Variants in HPS4 observed in about 807,000 individuals in gnomAD.
HPS4 encodes the protein HPS4 biogenesis of lysosomal organelles complex 3 subunit 2, also known as BLOC-3 complex member HPS4.
A neutral mutation model predicts 70.3 loss-of-function variants in HPS4; 44 were observed. That is an observed-to-expected ratio of 0.63 (90% CI 0.49 to 0.80). HPS4 has a LOEUF of 0.80. HPS4 is among the 30% of genes least tolerant of loss of function. HPS4 has a pLI of 0.00. For missense variants in HPS4, 873 were observed against 884.4 expected (o/e 0.99, Z 0.16); for synonymous variants, 377 against 355.9 (o/e 1.06, Z -0.67).
At chr22:26,457,248 A>G (rs1425058836) in intron 13 of HPS4, among the ~76,000 whole-genome samples, 1 of 119,546 alleles carries the variant, frequency 8.4e-6, no homozygotes, top group Non-Finnish European at 1.6e-5. Context: ...ACGCAGTCTC[A>G]CTCTGTTGCC....
Position 26,464,746 on chromosome 22 carries a change from T to A in HPS4, c.884A>T (p.Glu295Val), listed in dbSNP as rs2088140488. The change falls in exon 11 of 14, where the codon GAA (glutamate) becomes GTA (valine). Residue 295 changes from glutamate to valine, a missense_variant. Glu to Val is a moderately radical substitution (Grantham distance 121, BLOSUM62 -2). Transcript: ENST00000398145. ...GGATTCCACATGGCCAGTGGCGTTT[T>A]CTTTCAGGGCAGATGTGCTCCCACC... is the stretch of plus-strand genomic sequence containing the variant. ...PKGGSTSALK[E>V]NATGHVESMA... 6.3e-7 allele frequency: 1 copy of A among 1,590,336 alleles called. No homozygotes were observed. The highest frequency in any genetic ancestry group is 1.7e-5 in the Admixed American group (1 of 57,828).
downstream of HPS4, among the ~76,000 whole-genome samples, chr22:26,447,581 C>T (rs556987352): frequency 2.0e-4 from 30 of 152,200 alleles, no homozygotes; most frequent in Non-Finnish European, 3.4e-4. Flanking sequence ...GTAGCAGAGG[C>T]TAAGCACAGA....
At chr22:26,446,542 CTT>C (rs952494188), downstream of HPS4, among the ~76,000 whole-genome samples, 5 of 152,104 alleles carry the variant, frequency 3.3e-5, no homozygotes, top group Non-Finnish European at 4.4e-5. Context: ...AGGCACGGGT[CTT>C]TGTTTTAAAC....
chr22:26,459,491 T>A (rs1359790580), intron 11 of HPS4, among the ~76,000 whole-genome samples: 1 of 152,200 alleles, frequency 6.6e-6, no homozygotes, highest in African/African-American at 2.4e-5. Context: ...TATCATATAA[T>A]TCTTTAATGG....
At chr22:26,461,160 C>G (rs536145932) in intron 11 of HPS4, among the ~76,000 whole-genome samples, 1 of 152,212 alleles carries the variant, frequency 6.6e-6, no homozygotes, top group Non-Finnish European at 1.5e-5. Context: ...CAGCGTGCAG[C>G]AGGAGCAATG....
intron 13 of HPS4, among the ~76,000 whole-genome samples, chr22:26,454,566 A>C (rs1484688080): frequency 6.6e-6 from 1 of 152,228 alleles, no homozygotes; most frequent in Non-Finnish European, 1.5e-5. Flanking sequence ...CTTACACCTT[A>C]CACAAAAATT....
Position 26,465,426 on chromosome 22 carries a change from C to A in HPS4, c.803+29G>T, listed in dbSNP as rs150556488. On this transcript the variant is annotated intron_variant, in intron 10 of 13. Transcript: ENST00000398145. ...GCGATGGGGTCCCTCAGGTGTGGTG[C>A]AAGGTTAACTCTCTGTGCACTCCAT... The A allele has an allele frequency of 1.9e-4, 294 of 1,516,708 alleles. 1 individual carries two copies. The African/African-American group carries it at 3.7e-3, about 19-fold the overall frequency. The allele number at this position is 1,516,708 out of a possible 1,614,324, so 94.0% of individuals were successfully genotyped here.
Position 26,464,131 on chromosome 22 carries a change from C to T in HPS4, c.1499G>A (p.Ser500Asn). The stretch of plus-strand genomic sequence containing the variant: ...GCATTCCAGACCAGGGGCTGCGTGG[C>T]TTTCACAGACCCCATCAACATCCTC... ...LDEDVDGVCESHAAPGLECSS... is the reference protein window; with the variant it reads ...LDEDVDGVCENHAAPGLECSS... The change falls in exon 11 of 14, where the codon AGC becomes AAC. Residue 500 changes from serine to asparagine, a missense_variant. Coordinates refer to ENST00000398145, the MANE Select transcript of HPS4 (RefSeq NM_022081.6). The T allele has an allele frequency of 6.2e-7, 1 of 1,614,270 alleles. No individual in the cohort carries two copies. Among genetic ancestry groups the T allele is most frequent in the Non-Finnish European group, 8.5e-7 (1 of 1,180,050 alleles).
rs1265058991 is a variant in HPS4 at position 26,452,177 on chromosome 22, A to G, written c.*1056T>C. 2.9e-5 allele frequency: 10 copies of G among 341,480 alleles called. No homozygotes were observed. Among genetic ancestry groups the G allele is most frequent in the Non-Finnish European group, 4.6e-5 (8 of 172,992 alleles). The allele number at this position is 341,480 out of a possible 1,614,324, so 21.2% of individuals were successfully genotyped here. A position where few individuals can be genotyped will look rare whatever the true frequency, so the allele number is the denominator to read the frequency against. Reference sequence around the variant, plus strand: ...AAAGACACCATATCATAAACATCAGATATCAGTTCACTGACATGAAATTAT... The same window carrying G: ...AAAGACACCATATCATAAACATCAGGTATCAGTTCACTGACATGAAATTAT... On this transcript the variant is annotated 3_prime_UTR_variant, in exon 14 of 14. Transcript: ENST00000398145.
At chr22:26,449,323 ATTTTTTT>A (rs35895945), downstream of HPS4, among the ~76,000 whole-genome samples, 10 of 83,314 alleles carry the variant, frequency 1.2e-4, no homozygotes, top group Non-Finnish European at 1.6e-4. Flanking sequence ...ACTCCCCTGC[ATTTTTTT>A]TTTTTTTTTT....
intron 8 of HPS4, chr22:26,466,862 T>G (rs1433609420): frequency 6.4e-6 from 1 of 156,542 alleles, no homozygotes; most frequent in Non-Finnish European, 1.4e-5. Context: ...AAACAAGAAC[T>G]GCTCTTCTAG....
At chr22:26,460,075 A>G (rs2086935050) in intron 11 of HPS4, among the ~76,000 whole-genome samples, 1 of 152,244 alleles carries the variant, frequency 6.6e-6, no homozygotes, top group South Asian at 2.1e-4. Flanking sequence ...TGATATTTCA[A>G]GTCAATAGGT....
At position 26,453,287 on chromosome 22, in the gene HPS4, G is replaced by A. The variant is rs1194089462; in HGVS notation, c.2073C>T (p.Ser691=). Residue 691 remains serine, a synonymous_variant, in exon 14 of 14, where the codon AGC becomes AGT. Transcript: ENST00000398145. ...GCTTCTGCTTTGCTTTGCCGGAGAG[G>A]CTGAAGGCGCCATCCTGAGGGTTTG... ...GFPNPQDGAF[S]LSGKAKQKLL... 15 of 1,614,096 alleles carry A rather than the reference G, an allele frequency of 9.3e-6. No homozygotes were observed. Among genetic ancestry groups the A allele is most frequent in the Non-Finnish European group, 1.3e-5 (15 of 1,180,060 alleles).
Position 26,455,482 on chromosome 22 carries a change from A to G in HPS4, c.1956-2078T>C, listed in dbSNP as rs573785434. On this transcript the variant is annotated intron_variant, in intron 13 of 13. Coordinates refer to ENST00000398145, the MANE Select transcript of HPS4 (RefSeq NM_022081.6). ...TCATTCTCAGCAAACTATTGCAAGG[A>G]CAAAAAACCAAACACCACATGTTCT... 7.4e-3 allele frequency among the ~76,000 whole-genome samples: 1,122 copies of G among 150,728 alleles called. 18 individuals are homozygous for G. Among genetic ancestry groups the G allele is most frequent in the Admixed American group, 0.028 (417 of 15,148 alleles).
chr22:26,476,187 T>G (rs1238934390), intron 4 of HPS4: 1 of 152,186 alleles, frequency 6.6e-6, no homozygotes, highest in African/African-American at 2.4e-5. Flanking sequence ...TTCAGTACTT[T>G]AAAAAATTTT....
In HPS4 at chr22:26,453,348, T is replaced by C. The variant is rs374200129; in HGVS notation, c.2012A>G (p.Gln671Arg). Residue 671 changes from glutamine to arginine, a missense_variant, in exon 14 of 14, where the codon CAG becomes CGG. Coordinates refer to ENST00000398145, the MANE Select transcript of HPS4 (RefSeq NM_022081.6). ...CCNPIQETYF[Q>R]QLAPAARSSG... is the part of the protein sequence containing the mutation. ...GCTCCGTGCTGCAGGTGCCAGCTGC[T>C]GGAAATATGTCTCCTGGATGGGGTT... 1.2e-6 allele frequency: 2 copies of C among 1,614,086 alleles called. No individual in the cohort carries two copies. The highest frequency in any genetic ancestry group is 2.7e-5 in the African/African-American group (2 of 74,930).
intron 11 of HPS4, 60 bp from the exon 12 acceptor site, chr22:26,458,637 C>A: frequency 6.3e-7 from 1 of 1,598,136 alleles, no homozygotes; most frequent in South Asian, 1.1e-5. Flanking sequence ...CTTCTGAGGG[C>A]TAGTTAACCA....
chr22:26,461,081 G>A (rs1211138819), intron 11 of HPS4, among the ~76,000 whole-genome samples: 1 of 152,216 alleles, frequency 6.6e-6, no homozygotes, highest in East Asian at 1.9e-4. Flanking sequence ...ACAGAGCTGA[G>A]GCTAATTCCC....
At chr22:26,473,042 A>G (rs1384859265) in intron 4 of HPS4, 103 bp from the exon 5 acceptor site, 3 of 899,182 alleles carry the variant, frequency 3.3e-6, no homozygotes, top group Non-Finnish European at 5.5e-6. Context: ...TCACTGGCCC[A>G]TCGAAATTGA....
Sources: gnomAD v4.1 joint callset for allele counts (sites outside exome capture counted in the v4.1 genomes callset) on GRCh38, gnomAD v4.1.1 for gene constraint, MANE v1.5 for transcripts, NCBI Gene and HGNC (gene_info 2026-07-23, HGNC 2026-07-21) for gene names.